Variants in LRGUK observed in about 807,000 individuals in gnomAD.
LRGUK encodes the protein leucine rich repeats and guanylate kinase domain containing.
Under a neutral mutation model 76.0 loss-of-function variants are expected in LRGUK, and 65 were observed. The ratio of observed to expected loss-of-function variants is 0.85; its 90% CI spans 0.70 to 1.05. The LOEUF (loss-of-function observed/expected upper bound fraction) is 1.05. Among genes scored for constraint, LRGUK ranks in the 50% least tolerant of loss-of-function variants. LRGUK has a pLI of 0.00. For synonymous variants in LRGUK, 268 were observed against 265.6 expected, an observed-to-expected ratio of 1.01 and a Z score of -0.09; for missense variants, 758 against 732.8, an observed-to-expected ratio of 1.03 and a Z score of -0.40.
chr7:134,197,064 G>C, exon 13 of LRGUK: 2 of 1,611,630 alleles, frequency 1.2e-6, no homozygotes, highest in African/African-American at 1.3e-5. Context: ...AGAAGGTATC[G>C]CAAGAGATGG....
chr7:134,149,101 C>CT (rs199614031), intron 5 of LRGUK, among the ~76,000 whole-genome samples: 93 of 12,574 alleles, frequency 7.4e-3, no homozygotes, highest in Middle Eastern at 0.025. Context: ...AATATGCTTT[C>CT]TTTTTTTAAA....
intron 16 of LRGUK, among the ~76,000 whole-genome samples, chr7:134,236,098 CCTTT>C (rs1287790531): frequency 1.3e-5 from 2 of 151,862 alleles, no homozygotes; most frequent in Admixed American, 1.3e-4. Flanking sequence ...ATTTTCTTAC[CCTTT>C]CTTAAATTAT....
At chr7:134,133,879 G>A (rs933981825) in intron 1 of LRGUK, among the ~76,000 whole-genome samples, 2 of 151,998 alleles carry the variant, frequency 1.3e-5, no homozygotes, top group African/African-American at 4.8e-5. Context: ...GGGCAACATG[G>A]TGAAACCCTG....
the LRGUK span, among the ~76,000 whole-genome samples, chr7:134,272,633 TAAC>T: frequency 1.5e-3 from 234 of 152,292 alleles, 1 homozygote; most frequent in African/African-American, 5.4e-3. Context: ...TAAGATATAA[TAAC>T]AGTTATAAGC....
At chr7:134,188,024 A>G (rs1204058926) in intron 11 of LRGUK, among the ~76,000 whole-genome samples, 5 of 152,242 alleles carry the variant, frequency 3.3e-5, no homozygotes. Context: ...GTGTCTGTTT[A>G]TACACATGTG....
At chr7:134,159,336 CAAAAAAA>C (rs35701399) in intron 6 of LRGUK, among the ~76,000 whole-genome samples, 2 of 81,486 alleles carry the variant, frequency 2.5e-5, no homozygotes, top group Non-Finnish European at 2.8e-5. Context: ...GACCCTGCCT[CAAAAAAA>C]AAAAAAAAAA....
intron 10 of LRGUK, among the ~76,000 whole-genome samples, chr7:134,180,007 G>A (rs1799670468): frequency 6.6e-6 from 1 of 152,134 alleles, no homozygotes; most frequent in Non-Finnish European, 1.5e-5. Context: ...TTGGGGTGAG[G>A]ATACAGTATT....
chr7:134,181,623 C>G (rs1799756610), intron 10 of LRGUK, among the ~76,000 whole-genome samples: 1 of 151,802 alleles, frequency 6.6e-6, no homozygotes, highest in African/African-American at 2.4e-5. Flanking sequence ...AAGAAGCTCT[C>G]TTTTGCTTAT....
intron 15 of LRGUK, among the ~76,000 whole-genome samples, chr7:134,218,724 G>T (rs557426744): frequency 6.6e-6 from 1 of 152,220 alleles, no homozygotes; most frequent in South Asian, 2.1e-4. Flanking sequence ...TAGGTACATG[G>T]CCTCTACTGC....
chr7:134,265,788 T>C (rs377280251), downstream of LRGUK, among the ~76,000 whole-genome samples: 69 of 152,292 alleles, frequency 4.5e-4, no homozygotes, highest in South Asian at 5.6e-3. Flanking sequence ...TGAAAGCCAC[T>C]TGGGGGCCCT....
At chr7:134,127,996 A>G (rs766709941) in intron 1 of LRGUK, among the ~76,000 whole-genome samples, 18 of 151,990 alleles carry the variant, frequency 1.2e-4, no homozygotes, top group Non-Finnish European at 2.2e-4. Flanking sequence ...TTATACTTTG[A>G]CAGTATTGTG....
chr7:134,240,511 T>C (rs1307014745), intron 16 of LRGUK, among the ~76,000 whole-genome samples: 1 of 150,834 alleles, frequency 6.6e-6, no homozygotes, highest in East Asian at 1.9e-4. Flanking sequence ...GAAAAAAGAG[T>C]AAAAAGAAAT....
intron 7 of LRGUK, 112 bp from the exon 8 acceptor site, chr7:134,174,444 A>T (rs1335179731): frequency 1.5e-6 from 1 of 682,934 alleles, no homozygotes; most frequent in Admixed American, 2.6e-5. Context: ...TAGACAGAGC[A>T]ATTTTTAAAA....
chr7:134,203,016 A>G (rs554232077), intron 15 of LRGUK, among the ~76,000 whole-genome samples: 127 of 152,162 alleles, frequency 8.3e-4, no homozygotes, highest in African/African-American at 2.8e-3. Context: ...CATCCTGGCC[A>G]ACATGGTGAA....
chr7:134,130,438 A>T (rs963786846), intron 1 of LRGUK, among the ~76,000 whole-genome samples: 12 of 152,180 alleles, frequency 7.9e-5, no homozygotes, highest in Admixed American at 1.3e-4. Flanking sequence ...GTTGTCAAGA[A>T]CTAGCTATTC....
chr7:134,185,197 A>T (rs939845733), intron 11 of LRGUK, among the ~76,000 whole-genome samples: 1 of 151,672 alleles, frequency 6.6e-6, no homozygotes, highest in African/African-American at 2.4e-5. Context: ...AGAACCATCC[A>T]AAAAAACAAA....
intron 1 of LRGUK, among the ~76,000 whole-genome samples, chr7:134,130,205 T>A (rs1273411083): frequency 3.3e-5 from 5 of 152,258 alleles, no homozygotes; most frequent in Admixed American, 3.3e-4. Flanking sequence ...GTTGGTTTAC[T>A]TTGCTATCTT....
Position 134,127,677 on chromosome 7 carries a change from C to A in LRGUK, c.297+13C>A. 1 of 1,605,814 alleles carries A rather than the reference C, an allele frequency of 6.2e-7. No individual in the cohort carries two copies. Among genetic ancestry groups the A allele is most frequent in the Non-Finnish European group, 8.5e-7 (1 of 1,175,626 alleles). On this transcript the variant is annotated intron_variant, in intron 1 of 15. Transcript: ENST00000645682. The stretch of plus-strand genomic sequence containing the variant: ...GCTGAATTTGGAGGTGTGTCTTCCC[C>A]CCCACCCCGTACTCCCTGGCTCCCT...
intron 11 of LRGUK, among the ~76,000 whole-genome samples, chr7:134,190,060 T>C (rs1228526493): frequency 6.6e-6 from 1 of 152,214 alleles, no homozygotes; most frequent in Non-Finnish European, 1.5e-5. Flanking sequence ...ATCCTGGCGT[T>C]GCTACTTAGT....
Sources: gnomAD v4.1 joint callset for allele counts (sites outside exome capture counted in the v4.1 genomes callset) on GRCh38, gnomAD v4.1.1 for gene constraint, MANE v1.5 for transcripts, NCBI Gene and HGNC (gene_info 2026-07-23, HGNC 2026-07-21) for gene names.